Variants in B3GAT2 observed in about 807,000 individuals in gnomAD.
The protein encoded by B3GAT2 is beta-1,3-glucuronyltransferase 2.
A neutral mutation model predicts 27.8 loss-of-function variants in B3GAT2; 26 were observed. That is an observed-to-expected ratio of 0.93 (90% CI 0.68 to 1.30). The LOEUF (loss-of-function observed/expected upper bound fraction) is 1.30, where lower values mean the gene tolerates loss of function less well. B3GAT2 is among the 50% of genes most tolerant of loss of function. B3GAT2 has a pLI of 0.00. For missense variants in B3GAT2, 458 were observed against 459.0 expected (o/e 1.00, Z 0.02); for synonymous variants, 218 against 195.1 (o/e 1.12, Z -0.98).
At chr6:70,943,862 A>T (rs1020218201) in intron 1 of B3GAT2, among the ~76,000 whole-genome samples, 1 of 152,184 alleles carries the variant, frequency 6.6e-6, no homozygotes, top group Non-Finnish European at 1.5e-5. Flanking sequence ...TAGAAAGAAT[A>T]CATTTAGAAG....
chr6:70,897,432 T>C (rs1306096217), intron 1 of B3GAT2, among the ~76,000 whole-genome samples: 1 of 152,144 alleles, frequency 6.6e-6, no homozygotes, highest in Non-Finnish European at 1.5e-5. Flanking sequence ...ATGCTTTTGA[T>C]GTTCTACTTA....
At chr6:70,876,542 T>C (rs1772017282) in intron 2 of B3GAT2, among the ~76,000 whole-genome samples, 1 of 152,206 alleles carries the variant, frequency 6.6e-6, no homozygotes, top group Non-Finnish European at 1.5e-5. Context: ...ATAGCTATCA[T>C]CTTATACGGT....
chr6:70,867,384 A>G (rs537228700), intron 2 of B3GAT2, among the ~76,000 whole-genome samples: 1 of 152,182 alleles, frequency 6.6e-6, no homozygotes, highest in East Asian at 1.9e-4. Flanking sequence ...TGAAATAAAA[A>G]CCTAGTCATT....
intron 1 of B3GAT2, among the ~76,000 whole-genome samples, chr6:70,934,057 A>C (rs1773101783): frequency 6.6e-6 from 1 of 152,208 alleles, no homozygotes; most frequent in Non-Finnish European, 1.5e-5. Context: ...AACGCAGTAA[A>C]AAATGAAAAA....
chr6:70,941,231 TTTA>T (rs1765387378), intron 1 of B3GAT2, among the ~76,000 whole-genome samples: 6 of 152,258 alleles, frequency 3.9e-5, no homozygotes, highest in Middle Eastern at 3.4e-3. Context: ...GAGAAGAACA[TTTA>T]GAGGCACTTA....
chr6:70,904,862 T>C (rs1180821090), intron 1 of B3GAT2, among the ~76,000 whole-genome samples: 1 of 152,082 alleles, frequency 6.6e-6, no homozygotes, highest in African/African-American at 2.4e-5. Flanking sequence ...AGGAGGAAAA[T>C]GTGCCTTCAC....
chr6:70,920,756 T>C (rs777455338), intron 1 of B3GAT2, among the ~76,000 whole-genome samples: 16 of 152,262 alleles, frequency 1.1e-4, no homozygotes, highest in Non-Finnish European at 7.3e-5. Flanking sequence ...AGTATATTTT[T>C]GTGGTGGCCA....
At chr6:70,874,147 CTG>C (rs1168697472) in intron 2 of B3GAT2, among the ~76,000 whole-genome samples, 5 of 152,148 alleles carry the variant, frequency 3.3e-5, no homozygotes, top group Admixed American at 1.3e-4. Context: ...TTGCTGAAAA[CTG>C]AACATTTGAA....
At chr6:70,879,480 G>GATTCATTCATTCACTC (rs1554212869) in intron 2 of B3GAT2, among the ~76,000 whole-genome samples, 2 of 151,544 alleles carry the variant, frequency 1.3e-5, no homozygotes, top group African/African-American at 4.9e-5. Context: ...CTAAACTTAG[G>GATTCATTCATTCACTC]ATTCATTCAT....
At chr6:70,940,098 C>G (rs1016979887) in intron 1 of B3GAT2, among the ~76,000 whole-genome samples, 3 of 151,912 alleles carry the variant, frequency 2.0e-5, no homozygotes, top group Non-Finnish European at 4.4e-5. Flanking sequence ...GGAAAGCAGC[C>G]ACTGCATTCA....
At chr6:70,924,628 C>T (rs1265123130) in intron 1 of B3GAT2, among the ~76,000 whole-genome samples, 1 of 152,140 alleles carries the variant, frequency 6.6e-6, no homozygotes, top group Non-Finnish European at 1.5e-5. Context: ...AAACTTAAAA[C>T]AGTGAGAAAA....
At chr6:70,907,314 C>T (rs1331475947) in intron 1 of B3GAT2, among the ~76,000 whole-genome samples, 1 of 152,158 alleles carries the variant, frequency 6.6e-6, no homozygotes, top group African/African-American at 2.4e-5. Context: ...TGTCCCAGCA[C>T]ATTGCCATGT....
chr6:70,873,499 C>T (rs900834514), intron 2 of B3GAT2, among the ~76,000 whole-genome samples: 3 of 152,030 alleles, frequency 2.0e-5, no homozygotes, highest in African/African-American at 7.2e-5. Flanking sequence ...TCTCAAGATT[C>T]TCTTCATGTT....
intron 2 of B3GAT2, among the ~76,000 whole-genome samples, chr6:70,868,243 T>C (rs977190595): frequency 6.6e-6 from 1 of 152,152 alleles, no homozygotes; most frequent in Non-Finnish European, 1.5e-5. Flanking sequence ...TCCCTGAAGA[T>C]TGGAATGAGG....
chr6:70,919,873 G>T (rs1233649257), intron 1 of B3GAT2, among the ~76,000 whole-genome samples: 9 of 152,212 alleles, frequency 5.9e-5, no homozygotes, highest in Admixed American at 5.2e-4. Context: ...ACTTGAGGAG[G>T]TAGTCTGTCC....
Position 70,857,553 on chromosome 6 carries a change from G to A in B3GAT2, c.*4110C>T, listed in dbSNP as rs1346187700. ...GGCAGCCCACTACACCTATTGAAGC[G>A]AGATATAGTCAGCTCTCACTTCCCT... On this transcript the variant is annotated 3_prime_UTR_variant, in exon 4 of 4. Transcript: ENST00000230053. 3 of 209,906 alleles carry A rather than the reference G, an allele frequency of 1.4e-5. No homozygotes were observed. The highest frequency in any genetic ancestry group is 9.4e-5 in the South Asian group (1 of 10,660). The allele number at this position is 209,906 out of a possible 1,614,324, so 13.0% of individuals were successfully genotyped here. A position where few individuals can be genotyped will look rare whatever the true frequency, so the allele number is the denominator to read the frequency against.
At chr6:70,935,385 T>G (rs1404412421) in intron 1 of B3GAT2, among the ~76,000 whole-genome samples, 1 of 151,650 alleles carries the variant, frequency 6.6e-6, no homozygotes, top group Non-Finnish European at 1.5e-5. Context: ...CCCAGGGAGG[T>G]GGAGGCTGCA....
At chr6:70,955,337 C>T (rs1403625536) in intron 1 of B3GAT2, among the ~76,000 whole-genome samples, 2 of 152,086 alleles carry the variant, frequency 1.3e-5, no homozygotes, top group South Asian at 2.1e-4. Flanking sequence ...CCACCTTTCT[C>T]CCTATATGGT....
chr6:70,898,617 T>C (rs1275110840), intron 1 of B3GAT2, among the ~76,000 whole-genome samples: 5 of 152,298 alleles, frequency 3.3e-5, no homozygotes, highest in Admixed American at 6.5e-5. Context: ...AAAATGGCCA[T>C]GATTTTTCAG....
Sources: gnomAD v4.1 joint callset for allele counts (sites outside exome capture counted in the v4.1 genomes callset) on GRCh38, gnomAD v4.1.1 for gene constraint, MANE v1.5 for transcripts, NCBI Gene and HGNC (gene_info 2026-07-23, HGNC 2026-07-21) for gene names.